STXBP6: variants seen among roughly 807,000 people sequenced by gnomAD.
STXBP6 encodes syntaxin-binding protein 6.
Under a neutral mutation model 26.9 loss-of-function variants are expected in STXBP6, and 21 were observed. The observed-to-expected ratio is 0.78, with a 90% CI of 0.55 to 1.12. STXBP6 has a LOEUF of 1.12. Ranked by LOEUF, STXBP6 falls within the 50% of genes most tolerant of loss-of-function variation. STXBP6 has a pLI of 0.00. For synonymous variants in STXBP6, 97 were observed against 92.6 expected, an observed-to-expected ratio of 1.05 and a Z score of -0.27; for missense variants, 232 against 257.9, an observed-to-expected ratio of 0.90 and a Z score of 0.69.
At chr14:24,902,623 A>G (rs1345400519) in intron 2 of STXBP6, among the ~76,000 whole-genome samples, 1 of 151,560 alleles carries the variant, frequency 6.6e-6, no homozygotes. Context: ...GAGCTTGATG[A>G]TGTACTGAGT....
intron 2 of STXBP6, among the ~76,000 whole-genome samples, chr14:24,937,813 G>A (rs1400515735): frequency 3.3e-5 from 5 of 152,190 alleles, no homozygotes; most frequent in Non-Finnish European, 4.4e-5. Context: ...ATGCAGGGAT[G>A]CAGCCATTTG....
At chr14:24,948,776 T>TA (rs2073073138) in intron 2 of STXBP6, among the ~76,000 whole-genome samples, 1 of 152,210 alleles carries the variant, frequency 6.6e-6, no homozygotes, top group Non-Finnish European at 1.5e-5. Context: ...ATATTTTGTC[T>TA]CAGTATAATT....
intron 1 of STXBP6, among the ~76,000 whole-genome samples, chr14:25,030,071 A>G (rs1173971467): frequency 6.6e-6 from 1 of 152,268 alleles, no homozygotes; most frequent in Non-Finnish European, 1.5e-5. Flanking sequence ...ACATATAAGA[A>G]GCTGGATCTT....
At chr14:24,927,045 T>C (rs545171089) in intron 2 of STXBP6, among the ~76,000 whole-genome samples, 1 of 152,342 alleles carries the variant, frequency 6.6e-6, no homozygotes, top group African/African-American at 2.4e-5. Context: ...AGTAAAACTT[T>C]GTAAGTAGAA....
chr14:24,907,377 G>T (rs2071419827), intron 2 of STXBP6, among the ~76,000 whole-genome samples: 1 of 152,116 alleles, frequency 6.6e-6, no homozygotes, highest in African/African-American at 2.4e-5. Flanking sequence ...AGGGGAAATT[G>T]CTTCCATTAT....
chr14:25,006,004 G>A (rs2074888830), intron 1 of STXBP6, among the ~76,000 whole-genome samples: 1 of 152,152 alleles, frequency 6.6e-6, no homozygotes, highest in Admixed American at 6.6e-5. Flanking sequence ...GGATTTTGAT[G>A]TTCAGAACTT....
At chr14:24,857,207 GT>G in intron 2 of STXBP6, 50 bp from the exon 3 acceptor site, 1 of 1,609,700 alleles carries the variant, frequency 6.2e-7, no homozygotes, top group Middle Eastern at 1.7e-4. Flanking sequence ...TTGGTGGTTT[GT>G]TTCCACATTC....
chr14:24,862,844 C>T (rs374944543), intron 2 of STXBP6, among the ~76,000 whole-genome samples: 1 of 152,160 alleles, frequency 6.6e-6, no homozygotes, highest in Non-Finnish European at 1.5e-5. Context: ...GAGTAGTTAG[C>T]AACTATGCAA....
At chr14:24,820,659 A>G (rs931732692) in intron 4 of STXBP6, among the ~76,000 whole-genome samples, 1 of 152,208 alleles carries the variant, frequency 6.6e-6, no homozygotes, top group Non-Finnish European at 1.5e-5. Context: ...ACTCATAACT[A>G]TGATAATAAC....
chr14:24,857,034 G>GGATCGA lies in STXBP6; in HGVS notation c.272_277dup (p.Asp92_Pro93insLeuAsp). Reference sequence around the variant, plus strand: ...ATTGGACAATTCACTCACCCCATTAGGATCGATACCATTAACCTGGCGAAG... The same window carrying GGATCGA: ...ATTGGACAATTCACTCACCCCATTAGGATCGAGATCGATACCATTAACCTGGCGAAG... On this transcript the variant is annotated inframe_insertion, in exon 3 of 6. Coordinates refer to ENST00000323944, the MANE Select transcript of STXBP6 (RefSeq NM_001394410.1). 1 of 1,612,710 alleles carries GGATCGA rather than the reference G, an allele frequency of 6.2e-7. No homozygotes were observed. Among genetic ancestry groups the GGATCGA allele is most frequent in the Non-Finnish European group, 8.5e-7 (1 of 1,179,042 alleles).
chr14:25,040,776 T>G (rs1365887976), intron 1 of STXBP6, among the ~76,000 whole-genome samples: 1 of 152,132 alleles, frequency 6.6e-6, no homozygotes, highest in Non-Finnish European at 1.5e-5. Context: ...GATCCTTGTC[T>G]TTGAAGGAGT....
At chr14:24,905,928 C>A (rs2071371327) in intron 2 of STXBP6, among the ~76,000 whole-genome samples, 1 of 152,070 alleles carries the variant, frequency 6.6e-6, no homozygotes, top group Non-Finnish European at 1.5e-5. Context: ...CCACAGAAAT[C>A]ATCTTATCCA....
intron 4 of STXBP6, among the ~76,000 whole-genome samples, chr14:24,829,865 G>A (rs1436739026): frequency 6.6e-6 from 1 of 152,100 alleles, no homozygotes. Context: ...GTGTAGGGGT[G>A]TGTATGTGTA....
At chr14:24,924,709 G>A (rs563099451) in intron 2 of STXBP6, among the ~76,000 whole-genome samples, 1 of 152,268 alleles carries the variant, frequency 6.6e-6, no homozygotes, top group African/African-American at 2.4e-5. Flanking sequence ...TGGTGCTAGG[G>A]GATGCCCAGA....
intron 4 of STXBP6, among the ~76,000 whole-genome samples, chr14:24,849,394 T>C (rs753522102): frequency 1.5e-4 from 23 of 152,116 alleles, no homozygotes; most frequent in Non-Finnish European, 2.8e-4. Flanking sequence ...AAAGATCTTG[T>C]TAAATTGGTG....
chr14:24,893,193 C>A (rs1208946008), intron 2 of STXBP6, among the ~76,000 whole-genome samples: 1 of 152,148 alleles, frequency 6.6e-6, no homozygotes, highest in Admixed American at 6.5e-5. Context: ...GAGAAACTAG[C>A]CTTTCGTATG....
At chr14:24,856,876 G>C in intron 3 of STXBP6, 151 bp downstream of exon 3, 1 of 879,220 alleles carries the variant, frequency 1.1e-6, no homozygotes, top group Non-Finnish European at 1.7e-6. Context: ...CATAAGAAAG[G>C]ACTCTGTATC....
chr14:25,019,020 A>T (rs1261359039), intron 1 of STXBP6, among the ~76,000 whole-genome samples: 2 of 152,200 alleles, frequency 1.3e-5, no homozygotes, highest in African/African-American at 2.4e-5. Context: ...GTAGGCTTCT[A>T]CCTCATCTTC....
At chr14:25,030,963 A>AT (rs1406759871) in intron 1 of STXBP6, among the ~76,000 whole-genome samples, 1 of 152,198 alleles carries the variant, frequency 6.6e-6, no homozygotes, top group East Asian at 1.9e-4. Context: ...TACACCTCTC[A>AT]TAAAAACCAA....
Sources: gnomAD v4.1 joint callset for allele counts (sites outside exome capture counted in the v4.1 genomes callset) on GRCh38, gnomAD v4.1.1 for gene constraint, MANE v1.5 for transcripts, NCBI Gene and HGNC (gene_info 2026-07-23, HGNC 2026-07-21) for gene names.